The following IRAK2 variants were observed in gnomAD, a reference collection of about 807,000 sequenced individuals.
IRAK2 encodes the protein interleukin 1 receptor associated kinase 2, also known as interleukin-1 receptor-associated kinase-like 2.
A neutral mutation model predicts 72.0 loss-of-function variants in IRAK2; 57 were observed. The ratio of observed to expected loss-of-function variants is 0.79; its 90% confidence interval spans 0.64 to 0.99. IRAK2 has a LOEUF of 0.99. Among genes scored for constraint, IRAK2 ranks in the 50% least tolerant of loss-of-function variants. The pLI, the probability that IRAK2 is intolerant of heterozygous loss-of-function variation, is 0.00. For missense variants in IRAK2, 790 were observed against 794.4 expected, an observed-to-expected ratio of 0.99 and a Z score of 0.07; for synonymous variants, 293 against 312.7, an observed-to-expected ratio of 0.94 and a Z score of 0.67.
intron 2 of IRAK2, among the ~76,000 whole-genome samples, chr3:10,190,279 C>CTTTTTTTTT: frequency 8.7e-6 from 1 of 114,788 alleles, no homozygotes; most frequent in Non-Finnish European, 1.8e-5. Flanking sequence ...TTCTTTGTTT[C>CTTTTTTTTT]TTTTTTTTTT....
intron 1 of IRAK2, among the ~76,000 whole-genome samples, chr3:10,168,876 G>A (rs1424506044): frequency 6.6e-6 from 1 of 152,094 alleles, no homozygotes; most frequent in African/African-American, 2.4e-5. Context: ...TGTTACCTGG[G>A]GCTAGCTTTC....
chr3:10,186,048 T>A (rs1697070011), intron 2 of IRAK2, among the ~76,000 whole-genome samples: 1 of 151,118 alleles, frequency 6.6e-6, no homozygotes. Context: ...TCAGCCTGGG[T>A]GACAGAGCAA....
intron 7 of IRAK2, among the ~76,000 whole-genome samples, chr3:10,218,423 C>CAAAAA (rs56893916): frequency 4.1e-5 from 2 of 49,266 alleles, no homozygotes; most frequent in Admixed American, 2.6e-4. Flanking sequence ...GACTCCGTCT[C>CAAAAA]AAAAAAAAAA....
At position 10,226,553 on chromosome 3, in the gene IRAK2, G is replaced by A. The variant is rs188647110; in HGVS notation, c.1272+120G>A. On this transcript the variant is annotated intron_variant, in intron 10 of 12. Coordinates refer to ENST00000256458, the MANE Select transcript of IRAK2 (RefSeq NM_001570.4). ...TGCAAATGAGGCCCGGTACAAGGTTGCATTTGCATCCCCACAAAGCAGCTT... is the reference window on the plus strand; with the variant it reads ...TGCAAATGAGGCCCGGTACAAGGTTACATTTGCATCCCCACAAAGCAGCTT... The A allele has an allele frequency of 8.8e-5, 64 of 730,578 alleles. 4 individuals carry two copies. The East Asian group carries it at 1.1e-3, about 12-fold the overall frequency. The allele number at this position is 730,578 out of a possible 1,614,324, so 45.3% of individuals were successfully genotyped here. A position where few individuals can be genotyped will look rare whatever the true frequency, so the allele number is the denominator to read the frequency against.
At chr3:10,225,855 C>T (rs1342072996) in intron 9 of IRAK2, among the ~76,000 whole-genome samples, 5 of 152,004 alleles carry the variant, frequency 3.3e-5, no homozygotes, top group Admixed American at 6.6e-5. Flanking sequence ...CCCGCCACCG[C>T]GCCTGGCTCA....
chr3:10,193,887 C>T (rs1044790091), intron 2 of IRAK2, among the ~76,000 whole-genome samples: 2 of 152,246 alleles, frequency 1.3e-5, no homozygotes, highest in African/African-American at 2.4e-5. Context: ...CTGTACCTCT[C>T]GGGACTGTGC....
At chr3:10,226,117 A>C (rs996720776) in intron 9 of IRAK2, among the ~76,000 whole-genome samples, 2 of 152,244 alleles carry the variant, frequency 1.3e-5, no homozygotes, top group Non-Finnish European at 2.9e-5. Flanking sequence ...ACACACACAC[A>C]CATGAATTTT....
chr3:10,238,791 G>T lies in IRAK2; in HGVS notation c.1517G>T (p.Arg506Leu). ...VAAVEERLRG[R>L]ETLLPWSGLS... The stretch of plus-strand genomic sequence containing the variant: ...GCTGTGGAAGAGCGGCTCCGAGGTC[G>T]GGAGACGTTGCTCCCTTGGAGTGGG... The change falls in exon 12 of 13, where the codon CGG (arginine) becomes CTG (leucine). Residue 506 changes from arginine (R) to leucine (L), a missense_variant. Coordinates refer to ENST00000256458, the MANE Select transcript of IRAK2 (RefSeq NM_001570.4). 2 of 1,614,088 alleles carry T rather than the reference G, an allele frequency of 1.2e-6. No individual in the cohort carries two copies. The highest frequency in any genetic ancestry group is 1.7e-6 in the Non-Finnish European group (2 of 1,180,000).
In IRAK2 at chr3:10,234,662, G is replaced by C. The variant is rs747500894; in HGVS notation, c.1473+3G>C. On this transcript the variant is annotated splice_donor_region_variant and intron_variant, in intron 11 of 12. Coordinates refer to ENST00000256458, the MANE Select transcript of IRAK2 (RefSeq NM_001570.4). ...GGCGTAACACCAGCCTGCAGGAGGT[G>C]AGCCTCGCCCGCAGCGGCCTCGCTG... 1.2e-6 allele frequency: 2 copies of C among 1,610,952 alleles called. No homozygotes were observed. Among genetic ancestry groups the C allele is most frequent in the Admixed American group, 1.7e-5 (1 of 59,924 alleles).
In IRAK2 at chr3:10,226,397, C is replaced by G; in HGVS notation, c.1236C>G (p.Ile412Met). 6.2e-7 allele frequency: 1 copy of G among 1,613,646 alleles called. No individual in the cohort carries two copies. The highest frequency in any genetic ancestry group is 8.5e-7 in the Non-Finnish European group (1 of 1,179,846). ...TGTTGGCCGAGGTCCTCACGGGCAT[C>G]CCTGCAATGGATAACAACCGAAGCC... Reference protein sequence around the residue: ...GIVLAEVLTGIPAMDNNRSPV... With the variant: ...GIVLAEVLTGMPAMDNNRSPV... The change falls in exon 10 of 13, where the codon ATC becomes ATG. Residue 412 changes from isoleucine to methionine, a missense_variant. Coordinates refer to ENST00000256458, the MANE Select transcript of IRAK2 (RefSeq NM_001570.4).
chr3:10,226,839 G>A lies in IRAK2; in HGVS notation c.1272+406G>A, dbSNP rs11465922. 2.0e-3 allele frequency among the ~76,000 whole-genome samples: 300 copies of A among 151,802 alleles called. 2 individuals carry two copies. Among genetic ancestry groups the A allele is most frequent in the African/African-American group, 6.3e-3 (261 of 41,370 alleles). ...CATGTGCCTGTAATCCCAGCTACTCGGGAGGCTGAGGCAGGAGAATCACTT... is the reference window on the plus strand; with the variant it reads ...CATGTGCCTGTAATCCCAGCTACTCAGGAGGCTGAGGCAGGAGAATCACTT... On this transcript the variant is annotated intron_variant, in intron 10 of 12. Coordinates refer to ENST00000256458, the MANE Select transcript of IRAK2 (RefSeq NM_001570.4).
Position 10,164,945 on chromosome 3 carries a change from G to A in IRAK2, c.-10G>A. ...GTCGTCCCGCGCCGGAGCCGGCCCC[G>A]TAGCGTGCCATGGCCTGCTACATCT... On this transcript the variant is annotated 5_prime_UTR_variant, in exon 1 of 13. Coordinates refer to ENST00000256458, the MANE Select transcript of IRAK2 (RefSeq NM_001570.4). 1 of 1,529,908 alleles carries A rather than the reference G, an allele frequency of 6.5e-7. No homozygotes were observed. Among genetic ancestry groups the A allele is most frequent in the Non-Finnish European group, 8.9e-7 (1 of 1,129,314 alleles). 94.8% of individuals were successfully genotyped at this position (1,529,908 alleles called of 1,614,324 possible). A position where few individuals can be genotyped will look rare whatever the true frequency, so the allele number is the denominator to read the frequency against.
chr3:10,208,028 A>ACCACTGAT (rs1167274920), intron 3 of IRAK2, among the ~76,000 whole-genome samples: 1 of 150,464 alleles, frequency 6.6e-6, no homozygotes, highest in African/African-American at 2.4e-5. Flanking sequence ...AGACACTGGA[A>ACCACTGAT]CCACTGATGA....
chr3:10,224,521 GGCACCCT>G (rs1047709069), intron 9 of IRAK2, among the ~76,000 whole-genome samples: 1 of 120,636 alleles, frequency 8.3e-6, no homozygotes, highest in African/African-American at 3.2e-5. Context: ...AGGTGAGCAT[GGCACCCT>G]GCACCCTGCA....
rs551931438 is a variant in IRAK2, at chr3:10,242,753, C to T, written c.*525C>T. The T allele has an allele frequency of 3.3e-5, 5 of 152,312 alleles. No homozygotes were observed. In the East Asian group the frequency reaches 9.7e-4, roughly 29 times the overall value. 9.4% of individuals were successfully genotyped at this position (152,312 alleles called of 1,614,324 possible). ...TCTCGCTTTGTTGGCGCAATCCTCC[C>T]ACCTCAGACTCCCAAAGTGCTGGAA... On this transcript the variant is annotated 3_prime_UTR_variant, in exon 13 of 13. Coordinates refer to ENST00000256458, the MANE Select transcript of IRAK2 (RefSeq NM_001570.4).
At chr3:10,236,681 T>C (rs543814803) in intron 11 of IRAK2, among the ~76,000 whole-genome samples, 1 of 152,258 alleles carries the variant, frequency 6.6e-6, no homozygotes, top group South Asian at 2.1e-4. Context: ...TAGGACATAA[T>C]CAGTTTTATA....
chr3:10,224,861 GAT>G (rs1437042352), intron 9 of IRAK2, among the ~76,000 whole-genome samples: 4 of 148,704 alleles, frequency 2.7e-5, no homozygotes, highest in African/African-American at 7.5e-5. Context: ...CTGGTTGACT[GAT>G]AACGCTTTTG....
At chr3:10,225,048 T>C (rs1210543645) in intron 9 of IRAK2, among the ~76,000 whole-genome samples, 1 of 151,538 alleles carries the variant, frequency 6.6e-6, no homozygotes, top group Admixed American at 6.6e-5. Flanking sequence ...CTGTCAGGAG[T>C]CCCTTTTCAA....
chr3:10,236,989 G>A (rs1336381476), intron 11 of IRAK2, among the ~76,000 whole-genome samples: 2 of 152,204 alleles, frequency 1.3e-5, no homozygotes, highest in African/African-American at 4.8e-5. Flanking sequence ...GGTCTAAGAT[G>A]GCTGCTGTTG....
Sources: gnomAD v4.1 joint callset for allele counts (sites outside exome capture counted in the v4.1 genomes callset) on GRCh38, gnomAD v4.1.1 for gene constraint, MANE v1.5 for transcripts, NCBI Gene and HGNC (gene_info 2026-07-23, HGNC 2026-07-21) for gene names.